Variants in ACKR2 observed in about 807,000 individuals in gnomAD.
The protein encoded by ACKR2 is C-C chemokine receptor D6.
For missense variants in ACKR2, 457 were observed against 477.3 expected, an observed-to-expected ratio of 0.96 and a Z score of 0.40; for synonymous variants, 207 against 192.2, an observed-to-expected ratio of 1.08 and a Z score of -0.64.
In ACKR2 at chr3:42,865,263, C is replaced by A. The variant is rs764033388; in HGVS notation, c.761C>A (p.Ala254Asp). The change falls in exon 3 of 3, where the codon GCC becomes GAC. Residue 254 changes from alanine to aspartate, a missense_variant. Physicochemically the swap from Ala to Asp is moderately radical, Grantham distance 126 (BLOSUM62 -2). Coordinates refer to ENST00000422265, the MANE Select transcript of ACKR2 (RefSeq NM_001296.5). The stretch of plus-strand genomic sequence containing the variant: ...GGCCGGGCTTTAAAAATAGCTGCAG[C>A]CTTGGTGGTGGCCTTCTTCGTGCTA... ...GQGRALKIAA[A>D]LVVAFFVLWF... 6 of 1,614,070 alleles carry A rather than the reference C, an allele frequency of 3.7e-6. No individual in the cohort carries two copies. Among genetic ancestry groups the A allele is most frequent in the East Asian group, 2.2e-5 (1 of 44,886 alleles).
At chr3:42,840,094 T>G (rs1245277605) in intron 2 of ACKR2, among the ~76,000 whole-genome samples, 1 of 151,144 alleles carries the variant, frequency 6.6e-6, no homozygotes, top group African/African-American at 2.4e-5. Flanking sequence ...TCGTCTCTAC[T>G]AAAAATACAA....
chr3:42,831,823 T>A (rs1214682716), intron 2 of ACKR2, among the ~76,000 whole-genome samples: 1 of 152,188 alleles, frequency 6.6e-6, no homozygotes, highest in African/African-American at 2.4e-5. Context: ...CTTACTGTGG[T>A]TACTGTCTCC....
chr3:42,840,727 G>A (rs1038052549), intron 2 of ACKR2, among the ~76,000 whole-genome samples: 10 of 151,896 alleles, frequency 6.6e-5, no homozygotes, highest in African/African-American at 1.7e-4. Context: ...TCGCTCTGTC[G>A]CCCAGGCTGG....
chr3:42,836,959 T>C lies in ACKR2; in HGVS notation c.-38+17248T>C, dbSNP rs1358708955. 3.9e-5 allele frequency among the ~76,000 whole-genome samples: 6 copies of C among 152,210 alleles called. No individual in the cohort carries two copies. The South Asian group carries it at 6.2e-4, about 16-fold the overall frequency. Reference sequence around the variant, plus strand: ...CACCGTGTTTCTCTTTCAAATGTCTTTTGCAGTGGTTGTCTGACAACTCAA... The same window carrying C: ...CACCGTGTTTCTCTTTCAAATGTCTCTTGCAGTGGTTGTCTGACAACTCAA... On this transcript the variant is annotated intron_variant, in intron 2 of 2. Coordinates refer to ENST00000422265, the MANE Select transcript of ACKR2 (RefSeq NM_001296.5).
intron 2 of ACKR2, among the ~76,000 whole-genome samples, chr3:42,824,116 T>C (rs1259380266): frequency 1.3e-5 from 2 of 152,222 alleles, no homozygotes; most frequent in South Asian, 2.1e-4. Context: ...TCATTATTTA[T>C]ATTTTGAAAT....
intron 2 of ACKR2, among the ~76,000 whole-genome samples, chr3:42,859,671 G>T (rs774419883): frequency 6.6e-6 from 1 of 152,062 alleles, no homozygotes; most frequent in Non-Finnish European, 1.5e-5. Context: ...GTGAGCCGCC[G>T]CGCCTGGCCT....
intron 2 of ACKR2, among the ~76,000 whole-genome samples, chr3:42,827,289 AT>A (rs550072083): frequency 5.4e-4 from 82 of 152,170 alleles, no homozygotes; most frequent in Non-Finnish European, 5.9e-4. Flanking sequence ...GGTCCAAAGG[AT>A]TTCTTGTGTC....
chr3:42,843,172 T>C (rs1219678983), intron 2 of ACKR2, among the ~76,000 whole-genome samples: 1 of 151,716 alleles, frequency 6.6e-6, no homozygotes, highest in Non-Finnish European at 1.5e-5. Context: ...CCTCCCAGGC[T>C]CAAGCGATTC....
At chr3:42,820,753 C>T (rs1700802643) in intron 2 of ACKR2, among the ~76,000 whole-genome samples, 2 of 144,332 alleles carry the variant, frequency 1.4e-5, no homozygotes, top group Non-Finnish European at 1.5e-5. Flanking sequence ...AAGCTAGTAA[C>T]CTTGGCCTGT....
At chr3:42,821,412 TTTCCTACGTGCACTGC>T (rs1382307861) in intron 2 of ACKR2, among the ~76,000 whole-genome samples, 1 of 152,188 alleles carries the variant, frequency 6.6e-6, no homozygotes, top group African/African-American at 2.4e-5. Flanking sequence ...CTCACTTCCA[TTTCCTACGTGCACTGC>T]TGCACACTTG....
At chr3:42,831,832 C>A (rs75566105) in intron 2 of ACKR2, among the ~76,000 whole-genome samples, 2,360 of 152,276 alleles carry the variant, frequency 0.015, 62 homozygotes, top group African/African-American at 0.053. Context: ...GTTACTGTCT[C>A]CTGACTCTCC....
In ACKR2 at chr3:42,864,546, C is replaced by A. The variant is rs1208751807; in HGVS notation, c.44C>A (p.Ala15Asp). Residue 15 changes from alanine to aspartate, a missense_variant, in exon 3 of 3, where the codon GCC (alanine) becomes GAC (aspartate). Transcript: ENST00000422265. ...CCGCAGCCACTCGCCACTGAGGATG[C>A]CGATTCTGAGAATAGCAGCTTCTAT... is the stretch of plus-strand genomic sequence containing the variant. ...ASPQPLATEDADSENSSFYYY... is the reference protein window; with the variant it reads ...ASPQPLATEDDDSENSSFYYY... 2.5e-6 allele frequency: 4 copies of A among 1,612,040 alleles called. No homozygotes were observed. The African/African-American group carries it at 4.0e-5, about 16-fold the overall frequency.
chr3:42,830,539 A>G (rs576213702), intron 2 of ACKR2, among the ~76,000 whole-genome samples: 4 of 152,334 alleles, frequency 2.6e-5, no homozygotes, highest in African/African-American at 9.6e-5. Context: ...AAAACAAGAT[A>G]TGGAGCAATA....
At chr3:42,813,861 T>C (rs1042163325) in intron 1 of ACKR2, among the ~76,000 whole-genome samples, 3 of 152,262 alleles carry the variant, frequency 2.0e-5, no homozygotes, top group Non-Finnish European at 4.4e-5. Flanking sequence ...ATTTGTTCCA[T>C]GGTGAGCTGT....
chr3:42,822,998 G>A (rs1700824732), intron 2 of ACKR2, among the ~76,000 whole-genome samples: 1 of 151,970 alleles, frequency 6.6e-6, no homozygotes, highest in African/African-American at 2.4e-5. Context: ...CCTTTGATGT[G>A]AGTCAATCAT....
At position 42,864,552 on chromosome 3, in the gene ACKR2, C is replaced by A; in HGVS notation, c.50C>A (p.Ser17Tyr). The change falls in exon 3 of 3, where the codon TCT (serine) becomes TAT (tyrosine). Residue 17 changes from serine (S) to tyrosine (Y), a missense_variant. By Grantham distance (144) the Ser-to-Tyr change is moderately radical. Coordinates refer to ENST00000422265, the MANE Select transcript of ACKR2 (RefSeq NM_001296.5). ...PQPLATEDAD[S>Y]ENSSFYYYDY... Reference sequence around the variant, plus strand: ...CCACTCGCCACTGAGGATGCCGATTCTGAGAATAGCAGCTTCTATTACTAT... The same window carrying A: ...CCACTCGCCACTGAGGATGCCGATTATGAGAATAGCAGCTTCTATTACTAT... 1 of 1,612,892 alleles carries A rather than the reference C, an allele frequency of 6.2e-7. No individual in the cohort carries two copies. The highest frequency in any genetic ancestry group is 1.1e-5 in the South Asian group (1 of 90,888).
At chr3:42,818,195 C>A (rs1193836589) in intron 1 of ACKR2, among the ~76,000 whole-genome samples, 1 of 152,208 alleles carries the variant, frequency 6.6e-6, no homozygotes, top group Non-Finnish European at 1.5e-5. Flanking sequence ...CCATCTCTCT[C>A]CTCCCCTCTT....
chr3:42,820,734 A>G (rs1348726009), intron 2 of ACKR2, among the ~76,000 whole-genome samples: 1 of 151,638 alleles, frequency 6.6e-6, no homozygotes, highest in African/African-American at 2.4e-5. Context: ...GTAAAAAAAA[A>G]AAAAAAAAAA....
At chr3:42,856,107 GGGAGGAGTTGAAGGCCA>G (rs2088315490) in intron 2 of ACKR2, 2 of 428,108 alleles carry the variant, frequency 4.7e-6, no homozygotes, top group African/African-American at 4.0e-5. Context: ...GCCCAGAAAA[GGGAGGAGTTGAAGGCCA>G]GGAGGCCCCT....
Sources: gnomAD v4.1 joint callset for allele counts (sites outside exome capture counted in the v4.1 genomes callset) on GRCh38, gnomAD v4.1.1 for gene constraint, MANE v1.5 for transcripts, NCBI Gene and HGNC (gene_info 2026-07-23, HGNC 2026-07-21) for gene names.